Variants in CPNE4 observed in about 807,000 individuals in gnomAD.
The protein encoded by CPNE4 is copine 4.
CPNE4 carries 25 observed loss-of-function variants against 67.9 expected under a neutral mutation model. That is an observed-to-expected ratio of 0.37 (90% CI 0.27 to 0.51). The LOEUF is 0.51. CPNE4 is among the 20% of genes least tolerant of loss of function. The pLI, the probability that CPNE4 is intolerant of heterozygous loss-of-function variation, is 0.93. For missense variants in CPNE4, 464 were observed against 690.8 expected, an observed-to-expected ratio of 0.67 and a Z score of 3.68; for synonymous variants, 242 against 244.9, an observed-to-expected ratio of 0.99 and a Z score of 0.11.
chr3:131,973,322 T>G (rs887659207), intron 1 of CPNE4, among the ~76,000 whole-genome samples: 2 of 152,124 alleles, frequency 1.3e-5, no homozygotes, highest in Non-Finnish European at 2.9e-5. Context: ...CTGTTTCTTC[T>G]CCCCAGAGTC....
At chr3:131,978,468 T>TTATATATATATTTATA (rs1394633212) in intron 1 of CPNE4, among the ~76,000 whole-genome samples, 4 of 20,430 alleles carry the variant, frequency 2.0e-4, no homozygotes, top group African/African-American at 1.5e-3. Flanking sequence ...TTATATATAT[T>TTATATATATATTTATA]TATATATTTA....
intron 1 of CPNE4, among the ~76,000 whole-genome samples, chr3:132,005,639 A>G (rs1008343622): frequency 6.6e-6 from 1 of 151,924 alleles, no homozygotes; most frequent in Non-Finnish European, 1.5e-5. Context: ...AATTATAGTC[A>G]TTCCCCAGTA....
chr3:131,679,350 C>G (rs552791475), intron 6 of CPNE4, among the ~76,000 whole-genome samples: 1 of 151,270 alleles, frequency 6.6e-6, no homozygotes, highest in African/African-American at 2.4e-5. Flanking sequence ...AGCTAGTGGT[C>G]TACTATAATA....
chr3:132,012,478 T>C (rs2073792306), intron 1 of CPNE4, among the ~76,000 whole-genome samples: 1 of 151,894 alleles, frequency 6.6e-6, no homozygotes, highest in Non-Finnish European at 1.5e-5. Flanking sequence ...TAGCCTTCTT[T>C]ATAAAAAGGT....
At chr3:131,752,055 G>A (rs1012094392) in intron 2 of CPNE4, among the ~76,000 whole-genome samples, 1 of 152,044 alleles carries the variant, frequency 6.6e-6, no homozygotes, top group Non-Finnish European at 1.5e-5. Context: ...CCAGCGACGT[G>A]GGGGAAGGAT....
chr3:131,668,755 C>T (rs2080323785), intron 7 of CPNE4, among the ~76,000 whole-genome samples: 1 of 152,192 alleles, frequency 6.6e-6, no homozygotes, highest in Non-Finnish European at 1.5e-5. Context: ...AAGGCCAGAG[C>T]ATGGCCTATA....
intron 2 of CPNE4, among the ~76,000 whole-genome samples, chr3:131,814,882 G>C (rs2084675926): frequency 1.5e-5 from 2 of 136,346 alleles, no homozygotes; most frequent in South Asian, 4.2e-4. Context: ...GGGATTACAG[G>C]CGTGAGCCAC....
intron 1 of CPNE4, among the ~76,000 whole-genome samples, chr3:131,986,787 C>T (rs551803852): frequency 5.4e-5 from 8 of 147,772 alleles, no homozygotes; most frequent in African/African-American, 2.0e-4. Flanking sequence ...GCCAAGATTG[C>T]GCCACTGCAC....
At chr3:131,746,433 C>G (rs927143803) in intron 2 of CPNE4, among the ~76,000 whole-genome samples, 26 of 152,200 alleles carry the variant, frequency 1.7e-4, no homozygotes, top group African/African-American at 6.3e-4. Flanking sequence ...TCTCTCCCCT[C>G]TTCTCCCCAT....
intron 2 of CPNE4, among the ~76,000 whole-genome samples, chr3:131,858,578 TAAAACTTTTATA>T (rs1360889666): frequency 6.6e-6 from 1 of 152,168 alleles, no homozygotes; most frequent in Non-Finnish European, 1.5e-5. Flanking sequence ...CATGACATTC[TAAAACTTTTATA>T]AAAACTTTTA....
intron 7 of CPNE4, among the ~76,000 whole-genome samples, chr3:131,654,105 T>C (rs778601321): frequency 2.0e-5 from 3 of 152,180 alleles, no homozygotes; most frequent in Non-Finnish European, 4.4e-5. Flanking sequence ...TAGGTACCAG[T>C]GGTTTTTAAA....
intron 2 of CPNE4, among the ~76,000 whole-genome samples, chr3:131,862,954 C>T (rs554026317): frequency 3.7e-4 from 56 of 149,604 alleles, no homozygotes; most frequent in African/African-American, 9.0e-4. Flanking sequence ...TGAGAACATG[C>T]GGTGTTTGGT....
At chr3:131,957,358 T>C (rs577969601) in intron 1 of CPNE4, among the ~76,000 whole-genome samples, 22 of 152,344 alleles carry the variant, frequency 1.4e-4, no homozygotes, top group Non-Finnish European at 1.3e-4. Context: ...TACACTAGCA[T>C]GGTTTGTGTT....
intron 2 of CPNE4, among the ~76,000 whole-genome samples, chr3:131,763,823 T>A (rs1437839456): frequency 6.6e-6 from 1 of 152,134 alleles, no homozygotes; most frequent in Admixed American, 6.6e-5. Flanking sequence ...TTTTAAGAAA[T>A]GTCTAAAGCA....
intron 6 of CPNE4, among the ~76,000 whole-genome samples, chr3:131,674,039 A>T (rs1038235341): frequency 6.6e-6 from 1 of 151,824 alleles, no homozygotes; most frequent in African/African-American, 2.4e-5. Context: ...GTTGAATTGT[A>T]TCAAATGCTT....
At chr3:131,990,025 G>T (rs1427552769) in intron 1 of CPNE4, among the ~76,000 whole-genome samples, 1 of 136,180 alleles carries the variant, frequency 7.3e-6, no homozygotes, top group African/African-American at 2.5e-5. Flanking sequence ...GGATTATTGT[G>T]AATTTGTAGC....
intron 15 of CPNE4, among the ~76,000 whole-genome samples, chr3:131,540,993 T>G (rs1044528479): frequency 6.6e-6 from 1 of 152,188 alleles, no homozygotes; most frequent in Non-Finnish European, 1.5e-5. Context: ...GAAGATTCCC[T>G]GTTGCCAGGG....
At chr3:131,597,578 G>A (rs1582867812) in intron 7 of CPNE4, among the ~76,000 whole-genome samples, 2 of 152,168 alleles carry the variant, frequency 1.3e-5, no homozygotes, top group East Asian at 3.8e-4. Context: ...TCCAAACTGT[G>A]ATCATCACAT....
chr3:131,545,333 C>A (rs1349655581), intron 14 of CPNE4, among the ~76,000 whole-genome samples: 2 of 152,170 alleles, frequency 1.3e-5, no homozygotes, highest in Non-Finnish European at 2.9e-5. Flanking sequence ...TTATTGACTG[C>A]TGATCTAAAC....
Sources: gnomAD v4.1 joint callset for allele counts (sites outside exome capture counted in the v4.1 genomes callset) on GRCh38, gnomAD v4.1.1 for gene constraint, MANE v1.5 for transcripts, NCBI Gene and HGNC (gene_info 2026-07-23, HGNC 2026-07-21) for gene names.